Variants in SERGEF observed in about 807,000 individuals in gnomAD.
The protein encoded by SERGEF is secretion-regulating guanine nucleotide exchange factor.
SERGEF carries 51 observed loss-of-function variants against 50.0 expected under a neutral mutation model. The observed-to-expected ratio is 1.02, with a 90% CI of 0.81 to 1.29. The LOEUF is 1.29. Among genes scored for constraint, SERGEF ranks in the 50% most tolerant of loss-of-function variants. The pLI is 0.00. For missense variants in SERGEF, 521 were observed against 557.0 expected, an observed-to-expected ratio of 0.94 and a Z score of 0.65; for synonymous variants, 205 against 212.4, an observed-to-expected ratio of 0.97 and a Z score of 0.30.
At chr11:17,963,100 T>G (rs958302789) in intron 8 of SERGEF, among the ~76,000 whole-genome samples, 3 of 146,976 alleles carry the variant, frequency 2.0e-5, no homozygotes, top group Non-Finnish European at 4.4e-5. Flanking sequence ...GAGAATCACT[T>G]GAACCTGGGA....
chr11:17,878,234 C>A lies in SERGEF; in HGVS notation c.1022G>T (p.Gly341Val). ...CLTGATEVSCGSEHNLAIIGG... is the reference protein window; with the variant it reads ...CLTGATEVSCVSEHNLAIIGG... Reference sequence around the variant, plus strand: ...AATTATTGCCAAATTATGCTCTGAGCCACAAGAGACCTGTAAAAAAAAAAA... The same window carrying A: ...AATTATTGCCAAATTATGCTCTGAGACACAAGAGACCTGTAAAAAAAAAAA... Residue 341 changes from glycine to valine, a missense_variant, in exon 10 of 11, where the codon GGC (glycine) becomes GTC (valine). Physicochemically the swap from Gly to Val is moderately radical, Grantham distance 109 (BLOSUM62 -3). Transcript: ENST00000265965. 4 of 1,572,920 alleles carry A rather than the reference C, an allele frequency of 2.5e-6. No homozygotes were observed. Among genetic ancestry groups the A allele is most frequent in the Non-Finnish European group, 3.5e-6 (4 of 1,153,178 alleles).
intron 4 of SERGEF, 68 bp from the exon 5 acceptor site, chr11:18,000,625 C>A (rs1853940584): frequency 8.7e-7 from 1 of 1,146,876 alleles, no homozygotes; most frequent in Non-Finnish European, 1.3e-6. Flanking sequence ...GTAATTTATA[C>A]CAAATACAAT....
intron 9 of SERGEF, among the ~76,000 whole-genome samples, chr11:17,925,985 T>A (rs1451544520): frequency 2.0e-5 from 3 of 152,174 alleles, no homozygotes; most frequent in East Asian, 3.9e-4. Flanking sequence ...TTTTGAAAAC[T>A]ATAAAGCACT....
chr11:17,922,209 G>A (rs1852170910), intron 9 of SERGEF, among the ~76,000 whole-genome samples: 1 of 152,170 alleles, frequency 6.6e-6, no homozygotes, highest in African/African-American at 2.4e-5. Flanking sequence ...GTCTACGAAG[G>A]ACAAACTGCA....
intron 8 of SERGEF, among the ~76,000 whole-genome samples, chr11:17,966,261 A>G (rs1298009510): frequency 2.0e-5 from 3 of 152,214 alleles, no homozygotes; most frequent in Non-Finnish European, 4.4e-5. Context: ...GAGTAAAAGG[A>G]ACAACGGAGA....
chr11:17,981,747 GA>G (rs1369862410), intron 8 of SERGEF, among the ~76,000 whole-genome samples: 5 of 152,136 alleles, frequency 3.3e-5, no homozygotes, highest in Admixed American at 1.3e-4. Context: ...TATCCTTAAA[GA>G]AATCTATGGC....
intron 10 of SERGEF, among the ~76,000 whole-genome samples, chr11:17,794,639 C>T (rs555831214): frequency 1.3e-5 from 2 of 152,210 alleles, no homozygotes; most frequent in African/African-American, 4.8e-5. Context: ...AATATTCATT[C>T]ACCGAATCCT....
intron 9 of SERGEF, among the ~76,000 whole-genome samples, chr11:17,899,159 T>C (rs1181548458): frequency 1.3e-5 from 2 of 152,196 alleles, no homozygotes; most frequent in African/African-American, 4.8e-5. Flanking sequence ...ATGAAACCTC[T>C]TTTCTTTATA....
intron 8 of SERGEF, among the ~76,000 whole-genome samples, chr11:17,975,729 T>C (rs919111731): frequency 6.6e-6 from 1 of 152,066 alleles, no homozygotes; most frequent in Non-Finnish European, 1.5e-5. Flanking sequence ...CTCACACACC[T>C]CCACTCCTCA....
intron 3 of SERGEF, among the ~76,000 whole-genome samples, chr11:18,005,897 A>G (rs1405424112): frequency 6.6e-6 from 1 of 151,962 alleles, no homozygotes; most frequent in Admixed American, 6.6e-5. Flanking sequence ...GGCAACCACT[A>G]TTGCCTCATA....
chr11:17,967,798 C>G (rs1382671781), intron 8 of SERGEF, among the ~76,000 whole-genome samples: 3 of 152,210 alleles, frequency 2.0e-5, no homozygotes, highest in Non-Finnish European at 4.4e-5. Context: ...TATTCATATT[C>G]CTCCTTCCTG....
At chr11:17,836,834 T>A (rs190960115) in intron 10 of SERGEF, among the ~76,000 whole-genome samples, 288 of 152,280 alleles carry the variant, frequency 1.9e-3, no homozygotes, top group African/African-American at 6.2e-3. Flanking sequence ...GGACTCTTCT[T>A]TGCCATTATA....
At chr11:17,891,830 G>A (rs571663352) in intron 9 of SERGEF, among the ~76,000 whole-genome samples, 1 of 152,292 alleles carries the variant, frequency 6.6e-6, no homozygotes, top group South Asian at 2.1e-4. Context: ...GCCTCTCAAA[G>A]CTAATTATTA....
intron 10 of SERGEF, among the ~76,000 whole-genome samples, chr11:17,802,774 A>C (rs1849693950): frequency 6.6e-6 from 1 of 151,788 alleles, no homozygotes; most frequent in South Asian, 2.1e-4. Context: ...TCAGGGCATC[A>C]TTCAAATGGC....
At chr11:18,002,898 G>T (rs1392556690) in intron 4 of SERGEF, among the ~76,000 whole-genome samples, 1 of 152,264 alleles carries the variant, frequency 6.6e-6, no homozygotes, top group East Asian at 1.9e-4. Context: ...CTGTCAAAAT[G>T]TTTTTACTCT....
At chr11:17,986,450 G>A (rs1276576304) in intron 8 of SERGEF, among the ~76,000 whole-genome samples, 3 of 152,152 alleles carry the variant, frequency 2.0e-5, no homozygotes, top group African/African-American at 4.8e-5. Context: ...TAGCTGAAAC[G>A]TTACCAAAAA....
chr11:17,970,307 T>C (rs1232572143), intron 8 of SERGEF, among the ~76,000 whole-genome samples: 1 of 152,240 alleles, frequency 6.6e-6, no homozygotes, highest in Non-Finnish European at 1.5e-5. Flanking sequence ...TTGATGTTAC[T>C]ACTGCAATTA....
intron 6 of SERGEF, among the ~76,000 whole-genome samples, chr11:17,993,810 C>G (rs1485385214): frequency 1.3e-5 from 2 of 152,036 alleles, no homozygotes; most frequent in Non-Finnish European, 2.9e-5. Flanking sequence ...GAGGAGGGAA[C>G]AGCCCGGGTT....
At chr11:17,908,645 C>T (rs1201685883) in intron 9 of SERGEF, among the ~76,000 whole-genome samples, 1 of 152,130 alleles carries the variant, frequency 6.6e-6, no homozygotes, top group African/African-American at 2.4e-5. Flanking sequence ...TGCTTGACAT[C>T]AGTATTCAGA....
Sources: gnomAD v4.1 joint callset for allele counts (sites outside exome capture counted in the v4.1 genomes callset) on GRCh38, gnomAD v4.1.1 for gene constraint, MANE v1.5 for transcripts, NCBI Gene and HGNC (gene_info 2026-07-23, HGNC 2026-07-21) for gene names.